FER: variants seen among roughly 807,000 people sequenced by gnomAD.
FER encodes the protein FER tyrosine kinase.
Under a neutral mutation model 111.0 loss-of-function variants are expected in FER, and 63 were observed. The observed-to-expected ratio is 0.57, with a 90% CI of 0.46 to 0.70. The LOEUF (loss-of-function observed/expected upper bound fraction) is 0.70. Among genes scored for constraint, FER ranks in the 30% least tolerant of loss-of-function variants. The probability of loss-of-function intolerance (pLI) is 0.00; values close to 1 mark genes in which losing one functional copy is unlikely to be tolerated. For synonymous variants in FER, 327 were observed against 313.9 expected, an observed-to-expected ratio of 1.04 and a Z score of -0.44; for missense variants, 914 against 954.0, an observed-to-expected ratio of 0.96 and a Z score of 0.55.
chr5:108,927,445 A>G (rs1753938881), intron 10 of FER, among the ~76,000 whole-genome samples: 1 of 151,642 alleles, frequency 6.6e-6, no homozygotes, highest in Non-Finnish European at 1.5e-5. Flanking sequence ...TATTTTTAGT[A>G]GAGACGGGGT....
intron 13 of FER, among the ~76,000 whole-genome samples, chr5:109,006,861 AATTAAG>A: frequency 6.6e-6 from 1 of 152,166 alleles, no homozygotes. Context: ...ACCTCCACTT[AATTAAG>A]ATTATTAAAG....
At chr5:108,797,326 G>A (rs979060468) in intron 2 of FER, among the ~76,000 whole-genome samples, 1 of 152,058 alleles carries the variant, frequency 6.6e-6, no homozygotes, top group Non-Finnish European at 1.5e-5. Flanking sequence ...AAGCTGTGCT[G>A]GCCGGGGTGC....
intron 13 of FER, among the ~76,000 whole-genome samples, chr5:108,992,495 G>A (rs1463893332): frequency 7.9e-4 from 119 of 149,794 alleles, no homozygotes; most frequent in Admixed American, 2.4e-3. Flanking sequence ...GTGGCTGGCC[G>A]GGCGGGGGGC....
intron 2 of FER, among the ~76,000 whole-genome samples, chr5:108,775,215 T>G (rs886530528): frequency 1.1e-4 from 17 of 152,190 alleles, no homozygotes; most frequent in African/African-American, 4.1e-4. Flanking sequence ...TGTGTGGTGT[T>G]ATTTCTGAGG....
At chr5:108,759,796 G>A (rs1284011931) in intron 1 of FER, among the ~76,000 whole-genome samples, 1 of 152,128 alleles carries the variant, frequency 6.6e-6, no homozygotes, top group East Asian at 1.9e-4. Context: ...CATGGTTTAG[G>A]TTTAGGTTTG....
intron 17 of FER, among the ~76,000 whole-genome samples, chr5:109,175,956 G>T (rs1757639330): frequency 9.9e-5 from 15 of 152,146 alleles, no homozygotes; most frequent in Admixed American, 9.8e-4. Flanking sequence ...TCCAGCCCAG[G>T]CGACAGAGCA....
chr5:108,898,472 C>G (rs989877220), intron 10 of FER, among the ~76,000 whole-genome samples: 1 of 150,946 alleles, frequency 6.6e-6, no homozygotes, highest in South Asian at 2.1e-4. Flanking sequence ...CTCTTCCTTT[C>G]TGTCCTCTCC....
intron 1 of FER, among the ~76,000 whole-genome samples, chr5:108,767,363 C>T (rs1375054867): frequency 6.6e-6 from 1 of 152,160 alleles, no homozygotes; most frequent in African/African-American, 2.4e-5. Context: ...TATGTGTTTG[C>T]TGGGGGAATC....
intron 5 of FER, chr5:108,841,866 G>C (rs558451658): frequency 2.4e-6 from 1 of 419,428 alleles, no homozygotes. Flanking sequence ...AATAAATTAT[G>C]TTGTAAGTAC....
intron 13 of FER, among the ~76,000 whole-genome samples, chr5:109,027,617 T>C (rs1005229626): frequency 6.6e-6 from 1 of 152,088 alleles, no homozygotes; most frequent in East Asian, 1.9e-4. Context: ...GGGATAACTT[T>C]AGGAAGAAAT....
rs189498432 is a variant in FER at position 109,042,747 on chromosome 5, C to T, written c.1714-1933C>T. On this transcript the variant is annotated intron_variant, in intron 14 of 19. Coordinates refer to ENST00000281092, the MANE Select transcript of FER (RefSeq NM_005246.4). ...GGGGCATAAGAAATGGATTTAAAGA[C>T]GAAGTATCAGCTTCTGATTGGAGGT... is the stretch of plus-strand genomic sequence containing the variant. 4.6e-5 allele frequency among the ~76,000 whole-genome samples: 7 copies of T among 152,080 alleles called. No homozygotes were observed. In the East Asian group the frequency reaches 7.7e-4, roughly 17 times the overall value.
At chr5:108,829,865 A>G (rs541344264) in intron 3 of FER, among the ~76,000 whole-genome samples, 3 of 152,172 alleles carry the variant, frequency 2.0e-5, no homozygotes, top group Admixed American at 6.5e-5. Context: ...CCAATTATAC[A>G]TATAGATAAA....
chr5:108,952,764 G>A (rs2149648572), intron 11 of FER, among the ~76,000 whole-genome samples: 1 of 152,126 alleles, frequency 6.6e-6, no homozygotes, highest in South Asian at 2.1e-4. Flanking sequence ...TGCTGGCTGA[G>A]CTTTTGTACT....
chr5:109,136,207 C>T (rs1457824258), intron 17 of FER, among the ~76,000 whole-genome samples: 2 of 151,964 alleles, frequency 1.3e-5, no homozygotes, highest in African/African-American at 4.8e-5. Context: ...GTGGGAGAAT[C>T]ACTTGAAGCC....
chr5:109,086,600 A>C (rs1777592171), intron 16 of FER, among the ~76,000 whole-genome samples: 1 of 151,616 alleles, frequency 6.6e-6, no homozygotes, highest in Non-Finnish European at 1.5e-5. Flanking sequence ...TGTCATTTAG[A>C]AATGTATGTA....
chr5:108,813,887 A>G (rs551289304), intron 3 of FER, among the ~76,000 whole-genome samples: 3 of 152,228 alleles, frequency 2.0e-5, no homozygotes, highest in Admixed American at 1.3e-4. Context: ...CCAAAACTCA[A>G]CTTTTCCTTT....
intron 17 of FER, among the ~76,000 whole-genome samples, chr5:109,156,385 G>A (rs1338545567): frequency 6.6e-6 from 1 of 152,026 alleles, no homozygotes; most frequent in African/African-American, 2.4e-5. Context: ...GTGAATAGTG[G>A]TACCATTGGC....
chr5:109,166,073 A>G (rs772231233), intron 17 of FER, among the ~76,000 whole-genome samples: 5 of 151,980 alleles, frequency 3.3e-5, no homozygotes, highest in Non-Finnish European at 7.4e-5. Context: ...CTGCTTGATT[A>G]CAGGAAAACT....
Position 108,855,351 on chromosome 5 carries a change from G to A in FER, c.482-12416G>A, listed in dbSNP as rs1029995085. 2.0e-5 allele frequency among the ~76,000 whole-genome samples: 3 copies of A among 151,984 alleles called. No homozygotes were observed. The South Asian group carries it at 6.2e-4, about 32-fold the overall frequency. On this transcript the variant is annotated intron_variant, in intron 5 of 19. Transcript: ENST00000281092. ...AGAGTTAAAAAGAATACAAAAGACCGGCCGGGCGCGGTGGCTCACGCCTGT... is the reference window on the plus strand; with the variant it reads ...AGAGTTAAAAAGAATACAAAAGACCAGCCGGGCGCGGTGGCTCACGCCTGT...
Sources: allele counts gnomAD v4.1 joint callset (sites outside exome capture counted in the v4.1 genomes callset), GRCh38; gene constraint gnomAD v4.1.1; transcripts MANE v1.5; gene names NCBI Gene and HGNC (gene_info 2026-07-23, HGNC 2026-07-21).